Variants in ICA1 observed in about 807,000 individuals in gnomAD.
ICA1 encodes the protein 69 kDa islet cell autoantigen.
In ICA1, 40 loss-of-function variants were observed where a neutral mutation model predicts 71.0. The ratio of observed to expected loss-of-function variants is 0.56; its 90% CI spans 0.44 to 0.73. The LOEUF is 0.73. Ranked by LOEUF, ICA1 falls within the 30% of genes least tolerant of loss-of-function variation. The pLI is 0.00. For synonymous variants in ICA1, 207 were observed against 209.5 expected, an observed-to-expected ratio of 0.99 and a Z score of 0.10; for missense variants, 578 against 576.5, an observed-to-expected ratio of 1.00 and a Z score of -0.03.
chr7:8,248,724 A>G lies in ICA1; in HGVS notation c.-79-12719T>C, dbSNP rs558621025. On this transcript the variant is annotated intron_variant, in intron 1 of 13. Coordinates refer to ENST00000402384, the MANE Select transcript of ICA1 (RefSeq NM_001136020.3). Reference sequence around the variant, plus strand: ...GAGTAAGATGCCCACCACTCCCTCAACCTCTCGAAAGAAAAGAAAATACAC... The same window carrying G: ...GAGTAAGATGCCCACCACTCCCTCAGCCTCTCGAAAGAAAAGAAAATACAC... Among the ~76,000 whole-genome samples the G allele has an allele frequency of 1.2e-4, 19 of 152,248 alleles. No homozygotes were observed. In the South Asian group the frequency reaches 4.0e-3, roughly 32 times the overall value.
chr7:8,217,442 T>C (rs1465642823), intron 6 of ICA1, among the ~76,000 whole-genome samples: 2 of 152,136 alleles, frequency 1.3e-5, no homozygotes, highest in Non-Finnish European at 2.9e-5. Context: ...ATAATGTACA[T>C]AATAAGAAAT....
intron 13 of ICA1, among the ~76,000 whole-genome samples, chr7:8,119,429 A>C (rs1241855876): frequency 6.6e-6 from 1 of 152,262 alleles, no homozygotes; most frequent in Non-Finnish European, 1.5e-5. Flanking sequence ...ACATGAACGC[A>C]TTCCTAAGAG....
chr7:8,196,096 G>C (rs12531981), intron 6 of ICA1, among the ~76,000 whole-genome samples: 2 of 152,194 alleles, frequency 1.3e-5, no homozygotes, highest in African/African-American at 4.8e-5. Context: ...TTGCCAAAAA[G>C]TGGAAGCAAC....
At chr7:8,235,233 A>C (rs1037975184) in intron 2 of ICA1, among the ~76,000 whole-genome samples, 2 of 152,188 alleles carry the variant, frequency 1.3e-5, no homozygotes, top group African/African-American at 4.8e-5. Context: ...GTTTTTCATG[A>C]TACAAATTAA....
At chr7:8,187,060 T>C (rs991449913) in intron 6 of ICA1, among the ~76,000 whole-genome samples, 1 of 152,218 alleles carries the variant, frequency 6.6e-6, no homozygotes, top group Non-Finnish European at 1.5e-5. Context: ...TCTTATGAGC[T>C]TGACGTGATT....
chr7:8,183,771 C>G (rs1477580012), intron 6 of ICA1, among the ~76,000 whole-genome samples: 1 of 152,156 alleles, frequency 6.6e-6, no homozygotes, highest in Non-Finnish European at 1.5e-5. Context: ...GTGTTTAGCA[C>G]TATGGAGGTC....
intron 6 of ICA1, among the ~76,000 whole-genome samples, chr7:8,204,591 A>T (rs1278404214): frequency 6.6e-6 from 1 of 152,232 alleles, no homozygotes; most frequent in African/African-American, 2.4e-5. Flanking sequence ...GAAAAAATTC[A>T]AATATGTTAA....
At chr7:8,195,407 T>G (rs1787121068) in intron 6 of ICA1, among the ~76,000 whole-genome samples, 1 of 151,848 alleles carries the variant, frequency 6.6e-6, no homozygotes, top group African/African-American at 2.4e-5. Flanking sequence ...CCGGGTGTGG[T>G]GGCGCATGCT....
At chr7:8,174,509 G>A (rs568487534) in intron 6 of ICA1, among the ~76,000 whole-genome samples, 1 of 151,908 alleles carries the variant, frequency 6.6e-6, no homozygotes, top group East Asian at 1.9e-4. Flanking sequence ...GAAAAAAAAT[G>A]AAAGCTGGGC....
intron 6 of ICA1, among the ~76,000 whole-genome samples, chr7:8,214,004 C>T (rs1331117555): frequency 6.6e-6 from 1 of 152,170 alleles, no homozygotes; most frequent in Non-Finnish European, 1.5e-5. Flanking sequence ...TAGACAAATG[C>T]TGTAGGATTT....
intron 6 of ICA1, among the ~76,000 whole-genome samples, chr7:8,205,648 C>A (rs1053629427): frequency 6.6e-6 from 1 of 152,138 alleles, no homozygotes; most frequent in African/African-American, 2.4e-5. Context: ...TGATACTACT[C>A]AAAAACTTTT....
chr7:8,122,815 G>GT (rs369515154), intron 13 of ICA1, among the ~76,000 whole-genome samples: 3 of 152,244 alleles, frequency 2.0e-5, no homozygotes, highest in African/African-American at 7.2e-5. Flanking sequence ...AAGGCTGTAT[G>GT]TTTTTGGGAA....
At chr7:8,218,611 G>A (rs1796108131) in intron 5 of ICA1, 108 bp from the exon 6 acceptor site, 3 of 812,822 alleles carry the variant, frequency 3.7e-6, no homozygotes, top group Non-Finnish European at 6.2e-6. Context: ...TACCTGGAAT[G>A]TAGAAGATGC....
intron 8 of ICA1, among the ~76,000 whole-genome samples, chr7:8,155,163 C>T (rs1032365015): frequency 1.3e-5 from 2 of 152,164 alleles, no homozygotes; most frequent in African/African-American, 4.8e-5. Context: ...ATTACCATAA[C>T]ATCATTATAC....
At chr7:8,124,153 C>G (rs1394518107) in intron 13 of ICA1, among the ~76,000 whole-genome samples, 1 of 132,698 alleles carries the variant, frequency 7.5e-6, no homozygotes, top group African/African-American at 2.9e-5. Context: ...CGGAGTCTCG[C>G]TCTGTCGCCC....
intron 6 of ICA1, among the ~76,000 whole-genome samples, chr7:8,200,543 A>T (rs1423911936): frequency 6.6e-6 from 1 of 152,080 alleles, no homozygotes; most frequent in Non-Finnish European, 1.5e-5. Flanking sequence ...CGGACATAAG[A>T]GCAAGCACAT....
intron 6 of ICA1, among the ~76,000 whole-genome samples, chr7:8,161,145 C>T (rs1584742245): frequency 6.6e-6 from 1 of 152,144 alleles, no homozygotes; most frequent in East Asian, 1.9e-4. Context: ...TGTGTCAGGA[C>T]CAACGCTAGG....
chr7:8,228,713 C>G, intron 3 of ICA1, 40 bp from the exon 4 acceptor site: 1 of 1,357,880 alleles, frequency 7.4e-7, no homozygotes, highest in Non-Finnish European at 1.0e-6. Flanking sequence ...ATAAAACAGA[C>G]AGTGGTGAGA....
intron 1 of ICA1, among the ~76,000 whole-genome samples, chr7:8,246,984 G>A (rs1806264924): frequency 6.6e-6 from 1 of 152,142 alleles, no homozygotes; most frequent in Non-Finnish European, 1.5e-5. Flanking sequence ...CTGACCTCAT[G>A]ATCCACCCGC....
Sources: gnomAD v4.1 joint callset for allele counts (sites outside exome capture counted in the v4.1 genomes callset) on GRCh38, gnomAD v4.1.1 for gene constraint, MANE v1.5 for transcripts, NCBI Gene and HGNC (gene_info 2026-07-23, HGNC 2026-07-21) for gene names.